Variants in ANKS1A observed in about 807,000 individuals in gnomAD.
The protein encoded by ANKS1A is ankyrin repeat and SAM domain-containing protein 1A.
Under a neutral mutation model 120.3 loss-of-function variants are expected in ANKS1A, and 55 were observed. The ratio of observed to expected loss-of-function variants is 0.46; its 90% CI spans 0.37 to 0.57. The LOEUF is 0.57. Among genes scored for constraint, ANKS1A ranks in the 20% least tolerant of loss-of-function variants. The pLI, the probability that ANKS1A is intolerant of heterozygous loss-of-function variation, is 0.00. For synonymous variants in ANKS1A, 590 were observed against 604.7 expected (o/e 0.98, Z 0.36); for missense variants, 1,123 against 1,480.3 (o/e 0.76, Z 3.96).
chr6:35,083,835 C>A (rs1349718822), intron 20 of ANKS1A, among the ~76,000 whole-genome samples: 2 of 152,166 alleles, frequency 1.3e-5, no homozygotes, highest in Non-Finnish European at 2.9e-5. Context: ...ACCTTCCTGA[C>A]ACCCTTCCCA....
intron 11 of ANKS1A, among the ~76,000 whole-genome samples, chr6:35,019,697 G>A (rs1774226567): frequency 6.6e-6 from 1 of 152,178 alleles, no homozygotes. Flanking sequence ...TTAAAACAGA[G>A]TTTTACTAAT....
At chr6:34,978,254 C>A (rs1771708704) in intron 3 of ANKS1A, among the ~76,000 whole-genome samples, 1 of 152,102 alleles carries the variant, frequency 6.6e-6, no homozygotes, top group African/African-American at 2.4e-5. Flanking sequence ...CCGCACCCAG[C>A]CAGAAGTGGG....
intron 1 of ANKS1A, among the ~76,000 whole-genome samples, chr6:34,925,339 C>T (rs1272694234): frequency 6.6e-6 from 1 of 152,134 alleles, no homozygotes; most frequent in African/African-American, 2.4e-5. Context: ...TTCCTCAAGT[C>T]CTATGTGGCA....
At chr6:35,028,310 C>A (rs1307477529) in intron 11 of ANKS1A, among the ~76,000 whole-genome samples, 2 of 152,172 alleles carry the variant, frequency 1.3e-5, no homozygotes, top group East Asian at 3.9e-4. Flanking sequence ...GGTGCAGTGG[C>A]AGAGGACTGG....
chr6:35,005,585 AT>A (rs1773404802), intron 10 of ANKS1A, among the ~76,000 whole-genome samples: 1 of 152,260 alleles, frequency 6.6e-6, no homozygotes, highest in South Asian at 2.1e-4. Context: ...AGCAGATAGT[AT>A]ATTGCTGATA....
chr6:34,906,847 G>A (rs1171118831), intron 1 of ANKS1A, among the ~76,000 whole-genome samples: 2 of 152,186 alleles, frequency 1.3e-5, no homozygotes, highest in Non-Finnish European at 2.9e-5. Flanking sequence ...CCCTTTTTGA[G>A]TGTGGGCTAG....
In ANKS1A at chr6:35,086,485, T is replaced by C; in HGVS notation, c.3304-467T>C. On this transcript the variant is annotated intron_variant, in intron 22 of 23. Coordinates refer to ENST00000360359, the MANE Select transcript of ANKS1A (RefSeq NM_015245.3). This position sits in a 1 kb window ranked among gnomAD's most constrained non-coding sequence, Gnocchi z 5.1. ...GACATTCTTTCCCCTCTTCCTGAGA[T>C]GCCCTCTGCCTGTTCTGTGTGTGCT... is the stretch of plus-strand genomic sequence containing the variant. 1.6e-6 allele frequency: 1 copy of C among 632,124 alleles called. No homozygotes were observed. Among genetic ancestry groups the C allele is most frequent in the Non-Finnish European group, 2.5e-6 (1 of 393,272 alleles). The allele number at this position is 632,124 out of a possible 1,614,324, so 39.2% of individuals were successfully genotyped here. A position where few individuals can be genotyped will look rare whatever the true frequency, so the allele number is the denominator to read the frequency against.
chr6:35,072,508 T>TA (rs1316387198), intron 13 of ANKS1A, among the ~76,000 whole-genome samples: 2 of 152,232 alleles, frequency 1.3e-5, no homozygotes, highest in Non-Finnish European at 2.9e-5. Context: ...CCCAGCCCCT[T>TA]ACTGAACTCC....
chr6:34,932,932 G>A (rs917508006), intron 1 of ANKS1A, among the ~76,000 whole-genome samples: 70 of 152,186 alleles, frequency 4.6e-4, no homozygotes, highest in African/African-American at 1.7e-3. Flanking sequence ...CAAAGTGGCT[G>A]TATCATTTTA....
intron 1 of ANKS1A, among the ~76,000 whole-genome samples, chr6:34,894,237 A>G (rs1766963838): frequency 6.6e-6 from 1 of 152,224 alleles, no homozygotes; most frequent in South Asian, 2.1e-4. Flanking sequence ...TGCTATGTTT[A>G]GAGTTATAGT....
chr6:34,896,512 CA>C (rs1279728572), intron 1 of ANKS1A, among the ~76,000 whole-genome samples: 11 of 151,630 alleles, frequency 7.3e-5, no homozygotes, highest in Non-Finnish European at 1.3e-4. Context: ...CAAAAGGAAA[CA>C]AAAAAAGGTA....
At chr6:34,989,905 C>CAA (rs1277524873) in intron 9 of ANKS1A, among the ~76,000 whole-genome samples, 6 of 152,034 alleles carry the variant, frequency 3.9e-5, no homozygotes, top group African/African-American at 1.5e-4. Context: ...GCAAATAACT[C>CAA]AATCACTTAG....
At chr6:34,976,136 CAAA>C (rs748181297) in intron 3 of ANKS1A, among the ~76,000 whole-genome samples, 1 of 87,590 alleles carries the variant, frequency 1.1e-5, no homozygotes, top group Non-Finnish European at 2.3e-5. Context: ...GACTCCATCT[CAAA>C]AAAAAAAAAA....
chr6:34,970,291 A>T, intron 3 of ANKS1A, 125 bp downstream of exon 3: 2 of 1,150,214 alleles, frequency 1.7e-6, no homozygotes, highest in South Asian at 3.4e-5. Flanking sequence ...TCTTTTTGAT[A>T]ATCAGTTCCT....
intron 1 of ANKS1A, among the ~76,000 whole-genome samples, chr6:34,946,758 A>T (rs1769819207): frequency 6.6e-6 from 1 of 152,230 alleles, no homozygotes; most frequent in East Asian, 1.9e-4. Context: ...GTACCTGCAT[A>T]TGCACAAAGG....
In ANKS1A at chr6:34,985,156, G is replaced by A; in HGVS notation, c.1087G>A (p.Ala363Thr). 1 of 1,614,180 alleles carries A rather than the reference G, an allele frequency of 6.2e-7. No individual in the cohort carries two copies. The highest frequency in any genetic ancestry group is 8.5e-7 in the Non-Finnish European group (1 of 1,180,036). Residue 363 changes from alanine (A) to threonine (T), a missense_variant, in exon 8 of 24, where the codon GCT (alanine) becomes ACT (threonine). By Grantham distance (58) the Ala-to-Thr change is moderately conservative. Transcript: ENST00000360359. ...ANAEEEGPYE[A>T]LYNAISCHSL... Reference sequence around the variant, plus strand: ...TGCTGAAGAAGAGGGTCCCTACGAAGCTCTGTATAATGCCATCTCCTGCCA... The same window carrying A: ...TGCTGAAGAAGAGGGTCCCTACGAAACTCTGTATAATGCCATCTCCTGCCA...
intron 13 of ANKS1A, among the ~76,000 whole-genome samples, chr6:35,069,928 G>C (rs766519771): frequency 7.3e-5 from 11 of 151,304 alleles, no homozygotes; most frequent in Non-Finnish European, 1.6e-4. Flanking sequence ...TTGGGAGGCT[G>C]AGGCAGGAGA....
At chr6:34,980,184 G>A (rs1771829815) in intron 3 of ANKS1A, among the ~76,000 whole-genome samples, 1 of 152,262 alleles carries the variant, frequency 6.6e-6, no homozygotes, top group South Asian at 2.1e-4. Context: ...TGGCTGGCAG[G>A]CCGGCTGTAT....
intron 1 of ANKS1A, among the ~76,000 whole-genome samples, chr6:34,909,334 G>A (rs965771413): frequency 3.9e-5 from 6 of 152,164 alleles, no homozygotes; most frequent in African/African-American, 1.4e-4. Context: ...GCCAAAGTCA[G>A]TGTTTTTTCC....
Sources: allele counts gnomAD v4.1 joint callset (sites outside exome capture counted in the v4.1 genomes callset), GRCh38; gene constraint gnomAD v4.1.1; non-coding constraint Gnocchi (gnomAD v3.1); transcripts MANE v1.5; gene names NCBI Gene and HGNC (gene_info 2026-07-23, HGNC 2026-07-21).